Variants in TMC3 observed in about 807,000 individuals in gnomAD.
TMC3 encodes the protein transmembrane channel-like protein 3.
A neutral mutation model predicts 110.6 loss-of-function variants in TMC3; 98 were observed. That is an observed-to-expected ratio of 0.89 (90% CI 0.75 to 1.05). TMC3 has a LOEUF of 1.05. Ranked by LOEUF, TMC3 falls within the 50% of genes least tolerant of loss-of-function variation. The pLI is 0.00. For missense variants in TMC3, 1,319 were observed against 1,373.2 expected, an observed-to-expected ratio of 0.96 and a Z score of 0.62; for synonymous variants, 489 against 513.1, an observed-to-expected ratio of 0.95 and a Z score of 0.63.
intron 15 of TMC3, chr15:81,342,905 G>A (rs561573458): frequency 5.9e-6 from 1 of 170,330 alleles, no homozygotes; most frequent in South Asian, 1.7e-4. Context: ...TGGAGGGAGG[G>A]TGGCGAGCGA....
intron 15 of TMC3, chr15:81,341,735 T>C (rs1157807797): frequency 5.7e-6 from 2 of 349,594 alleles, no homozygotes; most frequent in Non-Finnish European, 1.0e-5. Flanking sequence ...TTTTAAAATA[T>C]TATATTTGCA....
At chr15:81,358,062 TA>T in intron 7 of TMC3, 86 bp downstream of exon 7, 1 of 1,407,780 alleles carries the variant, frequency 7.1e-7, no homozygotes, top group South Asian at 1.5e-5. Flanking sequence ...CATACTTTTT[TA>T]AAAGAATGAT....
At chr15:81,371,221 A>G (rs1028892816) in intron 2 of TMC3, among the ~76,000 whole-genome samples, 4 of 152,242 alleles carry the variant, frequency 2.6e-5, no homozygotes, top group Non-Finnish European at 5.9e-5. Flanking sequence ...GCAGCTGATA[A>G]CGGACATGAA....
At chr15:81,373,104 A>C (rs184427850) in intron 1 of TMC3, among the ~76,000 whole-genome samples, 49 of 152,280 alleles carry the variant, frequency 3.2e-4, no homozygotes, top group African/African-American at 1.1e-3. Context: ...TAGGCAAAAT[A>C]ATTTCTTTTT....
At chr15:81,366,063 A>C (rs1037250934) in intron 3 of TMC3, among the ~76,000 whole-genome samples, 1 of 152,188 alleles carries the variant, frequency 6.6e-6, no homozygotes, top group African/African-American at 2.4e-5. Flanking sequence ...CATGAAAAGC[A>C]TATTTATTCA....
intron 18 of TMC3, 90 bp downstream of exon 18, chr15:81,338,565 A>G: frequency 6.5e-7 from 1 of 1,541,980 alleles, no homozygotes; most frequent in South Asian, 1.2e-5. Context: ...TGAATGAACT[A>G]ATAAATTTTA....
intron 10 of TMC3, among the ~76,000 whole-genome samples, chr15:81,351,027 T>C (rs893212712): frequency 6.6e-6 from 1 of 152,208 alleles, no homozygotes; most frequent in Non-Finnish European, 1.5e-5. Context: ...TAATCCATAC[T>C]ATGGAATAAG....
chr15:81,333,200 A>G lies in TMC3; in HGVS notation c.2522T>C (p.Met841Thr). ...ATCTTCGATGTGCGTTGTAAATGTC[A>G]TAGGTGTGCGCGATCTGTTCCTGTG... ...DLHRNRSRTP[M>T]TFTTHIEDVH... Residue 841 changes from methionine (M) to threonine (T), a missense_variant, in exon 22 of 22, where the codon ATG (methionine) becomes ACG (threonine). By Grantham distance (81) the Met-to-Thr change is moderately conservative (BLOSUM62 -1). Coordinates refer to ENST00000359440, the MANE Select transcript of TMC3 (RefSeq NM_001080532.3). The G allele has an allele frequency of 6.2e-7, 1 of 1,613,896 alleles. No individual in the cohort carries two copies. Among genetic ancestry groups the G allele is most frequent in the Non-Finnish European group, 8.5e-7 (1 of 1,179,810 alleles).
At chr15:81,367,634 G>A (rs1427967774) in intron 3 of TMC3, among the ~76,000 whole-genome samples, 4 of 152,208 alleles carry the variant, frequency 2.6e-5, no homozygotes, top group Admixed American at 6.5e-5. Context: ...ACAGGGACAC[G>A]GTGAATCAAA....
intron 20 of TMC3, 128 bp from the exon 21 acceptor site, chr15:81,335,103 A>T (rs749993285): frequency 1.3e-5 from 13 of 979,530 alleles, no homozygotes; most frequent in Non-Finnish European, 2.0e-5. Flanking sequence ...TGCACTTACA[A>T]ATGCACCTAA....
At chr15:81,355,615 A>C in intron 9 of TMC3, 110 bp downstream of exon 9, 6 of 764,520 alleles carry the variant, frequency 7.8e-6, no homozygotes, top group Admixed American at 2.6e-5. Flanking sequence ...GGAAGAAAGA[A>C]GAGCTGCCTG....
chr15:81,335,107 C>T, intron 20 of TMC3, 132 bp from the exon 21 acceptor site: 1 of 935,886 alleles, frequency 1.1e-6, no homozygotes, highest in East Asian at 2.6e-5. Context: ...CTTACAAATG[C>T]ACCTAACCAG....
chr15:81,337,667 C>A, intron 19 of TMC3, 179 bp downstream of exon 19: 1 of 646,522 alleles, frequency 1.5e-6, no homozygotes, highest in Non-Finnish European at 2.8e-6. Context: ...GGGAGCCATC[C>A]CTGGGTATTC....
chr15:81,334,482 G>C (rs1893546242), intron 21 of TMC3, among the ~76,000 whole-genome samples: 1 of 152,198 alleles, frequency 6.6e-6, no homozygotes, highest in African/African-American at 2.4e-5. Flanking sequence ...TCCTAGGTTG[G>C]CTGGAAGGTT....
In TMC3 at chr15:81,332,839, G is replaced by A; in HGVS notation, c.2883C>T (p.Arg961=). Residue 961 remains arginine, a synonymous_variant, in exon 22 of 22, where the codon CGC becomes CGT. Transcript: ENST00000359440. The part of the protein sequence containing the change: ...RDWIKRSLPP[R]SLIDLRRAPH... The stretch of plus-strand genomic sequence containing the variant: ...GAGCCCGACGGAGGTCTATCAGGGA[G>A]CGTGGGGGAAGAGACCGTTTGATCC... 1.2e-6 allele frequency: 2 copies of A among 1,613,362 alleles called. No individual in the cohort carries two copies. The highest frequency in any genetic ancestry group is 1.7e-6 in the Non-Finnish European group (2 of 1,179,836).
In TMC3 at chr15:81,364,708, A is replaced by T. The variant is rs528673990; in HGVS notation, c.313-2407T>A. Among the ~76,000 whole-genome samples, 370 of 114,322 alleles carry T rather than the reference A, an allele frequency of 3.2e-3. 3 individuals are homozygous for T. Among genetic ancestry groups the T allele is most frequent in the Middle Eastern group, 4.3e-3 (1 of 234 alleles). 75.0% of individuals were successfully genotyped at this position (114,322 alleles called of 152,430 possible). On this transcript the variant is annotated intron_variant, in intron 3 of 21. Transcript: ENST00000359440. Reference sequence around the variant, plus strand: ...AAAAAAAAACATTATTCCAAAAAAAAAAAAATAAAAAATAAAACTGTAATA... The same window carrying T: ...AAAAAAAAACATTATTCCAAAAAAATAAAAATAAAAAATAAAACTGTAATA...
chr15:81,365,644 G>A (rs1264315309), intron 3 of TMC3, among the ~76,000 whole-genome samples: 3 of 144,200 alleles, frequency 2.1e-5, no homozygotes, highest in East Asian at 2.0e-4. Context: ...GCACTCCAGC[G>A]TGGGCCACAG....
Position 81,332,175 on chromosome 15 carries a change from G to A in TMC3, c.*244C>T. 2.1e-6 allele frequency: 1 copy of A among 473,020 alleles called. No homozygotes were observed. The highest frequency in any genetic ancestry group is 4.1e-5 in the South Asian group (1 of 24,436). 29.3% of individuals were successfully genotyped at this position (473,020 alleles called of 1,614,324 possible). ...CAAGTATTGAGATTGCTGCAGACCCGTGATGATTCACTGCTGGTGACATAC... is the reference window on the plus strand; with the variant it reads ...CAAGTATTGAGATTGCTGCAGACCCATGATGATTCACTGCTGGTGACATAC... On this transcript the variant is annotated 3_prime_UTR_variant, in exon 22 of 22. Coordinates refer to ENST00000359440, the MANE Select transcript of TMC3 (RefSeq NM_001080532.3).
chr15:81,358,738 G>A (rs1894121362), intron 5 of TMC3, among the ~76,000 whole-genome samples: 1 of 152,100 alleles, frequency 6.6e-6, no homozygotes, highest in Non-Finnish European at 1.5e-5. Flanking sequence ...TCTACAGGTG[G>A]ATTATTAAGA....
Sources: allele counts gnomAD v4.1 joint callset (sites outside exome capture counted in the v4.1 genomes callset), GRCh38; gene constraint gnomAD v4.1.1; transcripts MANE v1.5; gene names NCBI Gene and HGNC (gene_info 2026-07-23, HGNC 2026-07-21).